The following BMAL2 variants were observed in gnomAD, a reference collection of about 807,000 sequenced individuals.
The protein encoded by BMAL2 is basic helix-loop-helix ARNT like 2.
the BMAL2 span, among the ~76,000 whole-genome samples, chr12:27,363,838 T>C: frequency 6.6e-6 from 1 of 152,242 alleles, no homozygotes; most frequent in African/African-American, 2.4e-5. Context: ...TCTTTTCCTT[T>C]ATTGTTTTTA....
the BMAL2 span, among the ~76,000 whole-genome samples, chr12:27,404,072 G>A: frequency 1.3e-5 from 2 of 151,492 alleles, 1 homozygote; most frequent in Admixed American, 1.3e-4. Flanking sequence ...TAAGGTGGGA[G>A]GATCACTAGA....
At chr12:27,369,992 T>G in the BMAL2 span, 2 of 641,752 alleles carry the variant, frequency 3.1e-6, no homozygotes, top group Non-Finnish European at 5.6e-6. Context: ...CCAGATGTGG[T>G]ATTTTCTCCA....
the BMAL2 span, among the ~76,000 whole-genome samples, chr12:27,377,723 AGAGT>A: frequency 2.6e-5 from 4 of 152,246 alleles, no homozygotes; most frequent in Non-Finnish European, 5.9e-5. Flanking sequence ...CCTGGGCAAC[AGAGT>A]GAGACCTTGT....
At chr12:27,370,057 C>T in the BMAL2 span, 1 of 1,140,510 alleles carries the variant, frequency 8.8e-7, no homozygotes, top group Non-Finnish European at 1.3e-6. Context: ...ACTTTCTCCA[C>T]TTGAGGACAG....
the BMAL2 span, among the ~76,000 whole-genome samples, chr12:27,410,736 A>G: frequency 1.3e-5 from 2 of 151,894 alleles, no homozygotes; most frequent in East Asian, 3.8e-4. Context: ...CCTAAAACTA[A>G]AAGTGTAATA....
At chr12:27,374,602 G>T in the BMAL2 span, among the ~76,000 whole-genome samples, 6,147 of 152,228 alleles carry the variant, frequency 0.04, 497 homozygotes, top group East Asian at 0.3. Flanking sequence ...CTTTAAGATG[G>T]CTAAAAAGAG....
At chr12:27,333,325 C>G in the BMAL2 span, among the ~76,000 whole-genome samples, 1 of 151,946 alleles carries the variant, frequency 6.6e-6, no homozygotes, top group Non-Finnish European at 1.5e-5. Context: ...GGGAGCGGGA[C>G]GCGGGGAGGG....
At chr12:27,360,816 A>AAAAAAAAAAAAAAAC in the BMAL2 span, among the ~76,000 whole-genome samples, 1 of 149,520 alleles carries the variant, frequency 6.7e-6, no homozygotes, top group African/African-American at 2.4e-5. Context: ...AAAAAAAAAA[A>AAAAAAAAAAAAAAAC]AAAAAAAAAC....
chr12:27,385,592 AT>A, the BMAL2 span: 1 of 1,420,274 alleles, frequency 7.0e-7, no homozygotes, highest in Non-Finnish European at 9.9e-7. Flanking sequence ...TAAGTTGTGT[AT>A]GTGCTTTCAT....
At chr12:27,342,924 A>G in the BMAL2 span, among the ~76,000 whole-genome samples, 19,314 of 152,226 alleles carry the variant, frequency 0.13, 1,411 homozygotes, top group Non-Finnish European at 0.17. Flanking sequence ...CTTCCTTTCA[A>G]CAATAATCAT....
the BMAL2 span, among the ~76,000 whole-genome samples, chr12:27,349,650 A>G: frequency 2.0e-5 from 3 of 152,194 alleles, no homozygotes; most frequent in African/African-American, 7.2e-5. Flanking sequence ...ACTATACTCA[A>G]CTCAGGCAAG....
the BMAL2 span, among the ~76,000 whole-genome samples, chr12:27,390,993 C>T: frequency 4.9e-3 from 745 of 152,292 alleles, 1 homozygote; most frequent in Non-Finnish European, 8.4e-3. Flanking sequence ...TGCTAATACT[C>T]ATTTATTTAA....
the BMAL2 span, among the ~76,000 whole-genome samples, chr12:27,360,823 A>AAAAAAAAAG: frequency 6.7e-6 from 1 of 149,682 alleles, no homozygotes; most frequent in African/African-American, 2.4e-5. Context: ...AAAAAAAAAA[A>AAAAAAAAAG]AACAGTACTA....
At chr12:27,403,405 C>A in the BMAL2 span, 1 of 1,368,110 alleles carries the variant, frequency 7.3e-7, no homozygotes, top group African/African-American at 1.4e-5. Context: ...AAGTCCTCAA[C>A]TGAATTTCTC....
chr12:27,412,884 A>T, the BMAL2 span, among the ~76,000 whole-genome samples: 1 of 152,160 alleles, frequency 6.6e-6, no homozygotes, highest in African/African-American at 2.4e-5. Context: ...TGAAAGCATG[A>T]AGAGAAAAAG....
the BMAL2 span, among the ~76,000 whole-genome samples, chr12:27,351,429 T>A: frequency 1.3e-5 from 2 of 152,228 alleles, no homozygotes; most frequent in African/African-American, 4.8e-5. Context: ...TGACTTTGCA[T>A]GGACTGTCCC....
At chr12:27,383,007 A>G in the BMAL2 span, among the ~76,000 whole-genome samples, 2 of 152,238 alleles carry the variant, frequency 1.3e-5, no homozygotes, top group East Asian at 1.9e-4. Context: ...TGCTGATGAC[A>G]TTGGTCTGCA....
At chr12:27,336,533 G>A in the BMAL2 span, among the ~76,000 whole-genome samples, 2 of 152,140 alleles carry the variant, frequency 1.3e-5, no homozygotes, top group East Asian at 1.9e-4. Context: ...ATGCCCTGCC[G>A]CACCCTGTTT....
the BMAL2 span, among the ~76,000 whole-genome samples, chr12:27,343,345 A>G: frequency 6.6e-6 from 1 of 152,202 alleles, no homozygotes; most frequent in Non-Finnish European, 1.5e-5. Flanking sequence ...AGATGTATTT[A>G]TGAACACTGA....
Sources: allele counts gnomAD v4.1 joint callset (sites outside exome capture counted in the v4.1 genomes callset), GRCh38; gene constraint gnomAD v4.1.1; transcripts MANE v1.5; gene names NCBI Gene and HGNC (gene_info 2026-07-23, HGNC 2026-07-21).